Variants in MMAA observed in about 807,000 individuals in gnomAD.
MMAA encodes the protein metabolism of cobalamin associated A, also known as methylmalonic aciduria type A protein, mitochondrial.
A neutral mutation model predicts 45.0 loss-of-function variants in MMAA; 41 were observed. That is an observed-to-expected ratio of 0.91 (90% CI 0.71 to 1.18). The LOEUF (loss-of-function observed/expected upper bound fraction) is 1.18, where lower values mean the gene tolerates loss of function less well. Among genes scored for constraint, MMAA ranks in the 50% most tolerant of loss-of-function variants. The pLI, the probability that MMAA is intolerant of heterozygous loss-of-function variation, is 0.00. For missense variants in MMAA, 460 were observed against 495.7 expected (o/e 0.93, Z 0.68); for synonymous variants, 154 against 178.2 (o/e 0.86, Z 1.08).
chr4:145,624,477 T>G, intron 1 of MMAA: 1 of 913,394 alleles, frequency 1.1e-6, no homozygotes, highest in Non-Finnish European at 1.8e-6. Context: ...AGGCCCTTTC[T>G]TAGGACTTCC....
chr4:145,651,580 G>A (rs1175925817), intron 5 of MMAA, among the ~76,000 whole-genome samples: 2 of 152,166 alleles, frequency 1.3e-5, no homozygotes, highest in Non-Finnish European at 2.9e-5. Context: ...ACTTTATAGG[G>A]TGAGGGCAGA....
In MMAA at chr4:145,639,126, C is replaced by G. The variant is rs138947726; in HGVS notation, c.-14C>G. On this transcript the variant is annotated 5_prime_UTR_variant, in exon 2 of 7. Transcript: ENST00000649156. ...ACGCATCCAGTGTTTTCTCCAGTTA[C>G]AAATAAAACGAATATGCCCATGCTG... is the stretch of plus-strand genomic sequence containing the variant. The G allele has an allele frequency of 6.2e-7, 1 of 1,613,866 alleles. No homozygotes were observed. The highest frequency in any genetic ancestry group is 1.1e-5 in the South Asian group (1 of 91,064).
At chr4:145,640,333 G>A (rs1044595904) in intron 2 of MMAA, among the ~76,000 whole-genome samples, 1 of 151,772 alleles carries the variant, frequency 6.6e-6, no homozygotes, top group Non-Finnish European at 1.5e-5. Flanking sequence ...GGCTGGTCTT[G>A]AACTCCTGAC....
At chr4:145,641,866 C>T (rs1402911250) in intron 2 of MMAA, among the ~76,000 whole-genome samples, 2 of 152,042 alleles carry the variant, frequency 1.3e-5, no homozygotes, top group Non-Finnish European at 2.9e-5. Context: ...AGTTTATATT[C>T]TTTGAGTTAT....
intron 4 of MMAA, among the ~76,000 whole-genome samples, chr4:145,649,823 G>A (rs1487239433): frequency 6.6e-6 from 1 of 151,916 alleles, no homozygotes; most frequent in Non-Finnish European, 1.5e-5. Context: ...CCAGGTGGGA[G>A]CACAGCAGTA....
chr4:145,620,510 C>G (rs573573524), intron 1 of MMAA, among the ~76,000 whole-genome samples: 1 of 152,246 alleles, frequency 6.6e-6, no homozygotes, highest in Admixed American at 6.5e-5. Flanking sequence ...CGTATTTTTT[C>G]TTGATTTTTA....
chr4:145,621,556 A>T (rs1734087208), intron 1 of MMAA, among the ~76,000 whole-genome samples: 1 of 152,204 alleles, frequency 6.6e-6, no homozygotes, highest in Admixed American at 6.5e-5. Flanking sequence ...GTTTCCTGAA[A>T]TTATTTGAAA....
At chr4:145,620,686 G>A (rs550405525) in intron 1 of MMAA, among the ~76,000 whole-genome samples, 20 of 152,234 alleles carry the variant, frequency 1.3e-4, no homozygotes, top group African/African-American at 4.6e-4. Context: ...ACACAGACCC[G>A]ATTGTAAGAT....
At position 145,657,743 on chromosome 4, in the gene MMAA, C is replaced by A. The variant is rs1333832546; in HGVS notation, c.*2309C>A. 1.3e-5 allele frequency: 2 copies of A among 152,202 alleles called. No homozygotes were observed. Among genetic ancestry groups the A allele is most frequent in the Non-Finnish European group, 2.9e-5 (2 of 68,032 alleles). The allele number at this position is 152,202 out of a possible 1,614,324, so 9.4% of individuals were successfully genotyped here. A position where few individuals can be genotyped will look rare whatever the true frequency, so the allele number is the denominator to read the frequency against. On this transcript the variant is annotated 3_prime_UTR_variant, in exon 7 of 7. Coordinates refer to ENST00000649156, the MANE Select transcript of MMAA (RefSeq NM_172250.3). ...TCAGATTGGCCAAGCTACTTAATTTCTCTGTGCCTCAGTTTCCTCACTATT... is the reference window on the plus strand; with the variant it reads ...TCAGATTGGCCAAGCTACTTAATTTATCTGTGCCTCAGTTTCCTCACTATT...
chr4:145,631,025 T>C (rs1734325684), intron 1 of MMAA, among the ~76,000 whole-genome samples: 1 of 152,226 alleles, frequency 6.6e-6, no homozygotes, highest in Admixed American at 6.5e-5. Flanking sequence ...TTTGATCTTA[T>C]TTCAATTTTT....
At chr4:145,654,271 A>C in intron 6 of MMAA, 128 bp downstream of exon 6, 1 of 1,182,624 alleles carries the variant, frequency 8.5e-7, no homozygotes, top group Non-Finnish European at 1.2e-6. Context: ...TTTAAAAATC[A>C]TGACAAAGAC....
In MMAA at chr4:145,639,347, A is replaced by G. The variant is rs1328208245; in HGVS notation, c.208A>G (p.Thr70Ala). 6.2e-7 allele frequency: 1 copy of G among 1,614,208 alleles called. No individual in the cohort carries two copies. The highest frequency in any genetic ancestry group is 1.7e-5 in the Admixed American group (1 of 60,020). ...AAAGAGAAAATTATGTGTACAAACA[A>G]CCTTAAAGGACCACACAGAAGGACT... is the stretch of plus-strand genomic sequence containing the variant. ...GLKRKLCVQT[T>A]LKDHTEGLSD... The change falls in exon 2 of 7, where the codon ACC becomes GCC. Residue 70 changes from threonine (T) to alanine (A), a missense_variant. Coordinates refer to ENST00000649156, the MANE Select transcript of MMAA (RefSeq NM_172250.3).
Position 145,646,057 on chromosome 4 carries a change from C to G in MMAA, c.634C>G (p.Pro212Ala). Reference sequence around the variant, plus strand: ...TATGAATGCATACATCAGGCCATCTCCTACTAGAGGAACTTTAGGAGGCGT... The same window carrying G: ...TATGAATGCATACATCAGGCCATCTGCTACTAGAGGAACTTTAGGAGGCGT... ...RDMNAYIRPS[P>A]TRGTLGGVTR... Residue 212 changes from proline (P) to alanine (A), a missense_variant, in exon 4 of 7, where the codon CCT becomes GCT. Coordinates refer to ENST00000649156, the MANE Select transcript of MMAA (RefSeq NM_172250.3). The G allele has an allele frequency of 6.2e-7, 1 of 1,614,072 alleles. No homozygotes were observed. Among genetic ancestry groups the G allele is most frequent in the Non-Finnish European group, 8.5e-7 (1 of 1,179,954 alleles).
In MMAA at chr4:145,624,436, G is replaced by T; in HGVS notation, c.-66+5029G>T. 6 of 805,498 alleles carry T rather than the reference G, an allele frequency of 7.4e-6. No individual in the cohort carries two copies. The South Asian group carries it at 9.0e-5, about 12-fold the overall frequency. 49.9% of individuals were successfully genotyped at this position (805,498 alleles called of 1,614,324 possible). The stretch of plus-strand genomic sequence containing the variant: ...CAGGAAGTGCTCATGGGGCTTTTTA[G>T]CTTTTGTTTGCCAGCTTTGTCTTCA... On this transcript the variant is annotated intron_variant, in intron 1 of 6. Transcript: ENST00000649156.
chr4:145,658,029 A>C lies in MMAA; in HGVS notation c.*2595A>C, dbSNP rs1728280473. On this transcript the variant is annotated 3_prime_UTR_variant, in exon 7 of 7. Transcript: ENST00000649156. ...CACGAGGTCTAGATCTGGTCATTTA[A>C]AAGTGTGTGGCATCTCCCCATCCCT... 2 of 150,794 alleles carry C rather than the reference A, an allele frequency of 1.3e-5. No homozygotes were observed. Among genetic ancestry groups the C allele is most frequent in the South Asian group, 4.2e-4 (2 of 4,792 alleles). The allele number at this position is 150,794 out of a possible 1,614,324, so 9.3% of individuals were successfully genotyped here.
chr4:145,624,414 G>C (rs1734154322), intron 1 of MMAA: 1 of 785,464 alleles, frequency 1.3e-6, no homozygotes, highest in Admixed American at 1.8e-5. Context: ...GGAACACCAG[G>C]AAGTGCTCAT....
intron 2 of MMAA, chr4:145,639,893 A>C: frequency 1.1e-6 from 1 of 891,688 alleles, no homozygotes; most frequent in Non-Finnish European, 1.3e-6. Context: ...TTCTTTTAGT[A>C]GTCCTTCTGC....
chr4:145,646,385 GGTGGTATATT>G, intron 4 of MMAA: 1 of 505,708 alleles, frequency 2.0e-6, no homozygotes, highest in Non-Finnish European at 3.5e-6. Context: ...CTGTTATACA[GGTGGTATATT>G]ATACATGCCA....
At chr4:145,655,123 G>T in intron 6 of MMAA, 24 bp from the exon 7 acceptor site, 1 of 1,613,516 alleles carries the variant, frequency 6.2e-7, no homozygotes, top group Non-Finnish European at 8.5e-7. Context: ...AAGTAAAATG[G>T]TCTGGTTCTT....
Sources: allele counts gnomAD v4.1 joint callset (sites outside exome capture counted in the v4.1 genomes callset), GRCh38; gene constraint gnomAD v4.1.1; transcripts MANE v1.5; gene names NCBI Gene and HGNC (gene_info 2026-07-23, HGNC 2026-07-21).